NEGR1: variants seen among roughly 807,000 people sequenced by gnomAD.
NEGR1 encodes the protein IgLON family member 4.
Under a neutral mutation model 40.9 loss-of-function variants are expected in NEGR1, and 10 were observed. The ratio of observed to expected loss-of-function variants is 0.24; its 90% CI spans 0.15 to 0.42. The LOEUF (loss-of-function observed/expected upper bound fraction) is 0.42. Ranked by LOEUF, NEGR1 falls within the 10% of genes least tolerant of loss-of-function variation. NEGR1 has a pLI of 1.00. For synonymous variants in NEGR1, 185 were observed against 166.8 expected, an observed-to-expected ratio of 1.11 and a Z score of -0.84; for missense variants, 352 against 438.9, an observed-to-expected ratio of 0.80 and a Z score of 1.77.
chr1:71,864,577 T>C lies in NEGR1; in HGVS notation c.409+70502A>G, dbSNP rs1176494238. ...TGGCAGATGGCATTTTTTATATCCT[T>C]AATTTATTGACATTAAGGGCCCTGC... is the stretch of plus-strand genomic sequence containing the variant. On this transcript the variant is annotated intron_variant, in intron 2 of 6. Coordinates refer to ENST00000357731, the MANE Select transcript of NEGR1 (RefSeq NM_173808.3). 1.1e-4 allele frequency among the ~76,000 whole-genome samples: 17 copies of C among 152,250 alleles called. No homozygotes were observed. In the East Asian group the frequency reaches 2.9e-3, roughly 26 times the overall value.
At chr1:71,877,537 T>G (rs1266538666) in intron 2 of NEGR1, among the ~76,000 whole-genome samples, 1 of 152,146 alleles carries the variant, frequency 6.6e-6, no homozygotes, top group Non-Finnish European at 1.5e-5. Flanking sequence ...TACTGGACTA[T>G]GACCCACTCT....
chr1:72,195,978 C>G (rs148867957), intron 1 of NEGR1, among the ~76,000 whole-genome samples: 30 of 152,112 alleles, frequency 2.0e-4, no homozygotes, highest in African/African-American at 5.5e-4. Flanking sequence ...CTTCCTCCCT[C>G]AGGTTCACTC....
intron 4 of NEGR1, among the ~76,000 whole-genome samples, chr1:71,691,189 T>C (rs1400162125): frequency 1.3e-5 from 2 of 152,046 alleles, no homozygotes; most frequent in African/African-American, 4.8e-5. Flanking sequence ...AAAGGTCCAA[T>C]TATGTCTCCC....
intron 1 of NEGR1, among the ~76,000 whole-genome samples, chr1:72,249,105 T>C: frequency 6.6e-6 from 1 of 152,170 alleles, no homozygotes; most frequent in Non-Finnish European, 1.5e-5. Context: ...GAGGTAATTA[T>C]GTCATGGGAG....
chr1:71,491,025 C>T (rs951911877), intron 6 of NEGR1, among the ~76,000 whole-genome samples: 18 of 151,934 alleles, frequency 1.2e-4, no homozygotes, highest in African/African-American at 4.1e-4. Flanking sequence ...ATGACAAGTG[C>T]TCACGTAATG....
At chr1:71,597,862 G>A (rs1021800720) in intron 5 of NEGR1, among the ~76,000 whole-genome samples, 16 of 151,740 alleles carry the variant, frequency 1.1e-4, no homozygotes, top group Non-Finnish European at 2.1e-4. Context: ...GCAGTGAGCC[G>A]AAATCCTGCC....
At chr1:72,177,395 T>C (rs1278397022) in intron 1 of NEGR1, among the ~76,000 whole-genome samples, 6 of 152,078 alleles carry the variant, frequency 3.9e-5, no homozygotes, top group Non-Finnish European at 8.8e-5. Flanking sequence ...AGTGGTTTAA[T>C]GTGTATCACA....
At chr1:71,658,223 C>A (rs1303963385) in intron 4 of NEGR1, among the ~76,000 whole-genome samples, 2 of 152,132 alleles carry the variant, frequency 1.3e-5, no homozygotes, top group African/African-American at 4.8e-5. Context: ...AAATACTCAG[C>A]ATAGTGTGTG....
At chr1:71,667,179 T>C (rs919714604) in intron 4 of NEGR1, among the ~76,000 whole-genome samples, 2 of 152,116 alleles carry the variant, frequency 1.3e-5, no homozygotes, top group Non-Finnish European at 2.9e-5. Flanking sequence ...ATCACATAAT[T>C]TATTCCTTGG....
intron 2 of NEGR1, among the ~76,000 whole-genome samples, chr1:71,927,091 A>T (rs185533208): frequency 6.6e-6 from 1 of 152,280 alleles, no homozygotes; most frequent in African/African-American, 2.4e-5. Flanking sequence ...ATATCTTATA[A>T]ATCATAGTAG....
At position 71,470,263 on chromosome 1, in the gene NEGR1, A is replaced by G. The variant is rs528982582; in HGVS notation, c.941-62693T>C. On this transcript the variant is annotated intron_variant, in intron 6 of 6. Transcript: ENST00000357731. Reference sequence around the variant, plus strand: ...ACTATCGAAGTTATTTATTTTTTGCATGTTTATTACAGATACTGACTTCAC... The same window carrying G: ...ACTATCGAAGTTATTTATTTTTTGCGTGTTTATTACAGATACTGACTTCAC... Among the ~76,000 whole-genome samples, 201 of 151,970 alleles carry G rather than the reference A, an allele frequency of 1.3e-3. 1 individual carries two copies. The highest frequency in any genetic ancestry group is 4.7e-3 in the African/African-American group (195 of 41,462).
At chr1:71,740,890 T>G (rs1655192279) in intron 3 of NEGR1, among the ~76,000 whole-genome samples, 1 of 152,104 alleles carries the variant, frequency 6.6e-6, no homozygotes, top group Admixed American at 6.6e-5. Context: ...AATTTCAGAG[T>G]TGACAAGAAA....
chr1:71,616,860 G>C (rs1650461191), intron 4 of NEGR1, among the ~76,000 whole-genome samples: 1 of 152,136 alleles, frequency 6.6e-6, no homozygotes, highest in Non-Finnish European at 1.5e-5. Flanking sequence ...GCCAACAAAA[G>C]AAAGCTGCAT....
chr1:72,043,295 A>C (rs939838350), intron 1 of NEGR1, among the ~76,000 whole-genome samples: 3 of 151,916 alleles, frequency 2.0e-5, no homozygotes, highest in African/African-American at 7.2e-5. Context: ...ATACTTTTGT[A>C]AATCATTTCC....
intron 1 of NEGR1, among the ~76,000 whole-genome samples, chr1:72,018,076 A>T (rs1348377182): frequency 6.6e-6 from 1 of 152,180 alleles, no homozygotes; most frequent in Non-Finnish European, 1.5e-5. Flanking sequence ...AATATTTTTT[A>T]AATGAGTGAA....
At chr1:71,656,388 ATTGT>A (rs890008166) in intron 4 of NEGR1, among the ~76,000 whole-genome samples, 7 of 151,830 alleles carry the variant, frequency 4.6e-5, no homozygotes, top group Non-Finnish European at 1.0e-4. Flanking sequence ...GGCTTTTTAC[ATTGT>A]TTGTTTGTTT....
chr1:71,589,068 C>T (rs572289096), intron 6 of NEGR1, among the ~76,000 whole-genome samples: 1 of 152,220 alleles, frequency 6.6e-6, no homozygotes, highest in South Asian at 2.1e-4. Context: ...AGAAATCTGG[C>T]TTCTACTCTC....
chr1:71,821,130 T>C (rs577922804), intron 2 of NEGR1, among the ~76,000 whole-genome samples: 4 of 152,024 alleles, frequency 2.6e-5, no homozygotes, highest in Non-Finnish European at 5.9e-5. Context: ...TATTAATTTA[T>C]AGTTTTGCCT....
intron 4 of NEGR1, among the ~76,000 whole-genome samples, chr1:71,672,188 G>C (rs749594307): frequency 2.4e-4 from 36 of 152,064 alleles, no homozygotes; most frequent in Non-Finnish European, 2.8e-4. Flanking sequence ...TTAATACCTT[G>C]CTGTTGAGAA....
Sources: allele counts gnomAD v4.1 joint callset (sites outside exome capture counted in the v4.1 genomes callset), GRCh38; gene constraint gnomAD v4.1.1; transcripts MANE v1.5; gene names NCBI Gene and HGNC (gene_info 2026-07-23, HGNC 2026-07-21).